Variants in PCDHGA6 observed in about 807,000 individuals in gnomAD.
PCDHGA6 encodes the protein protocadherin gamma-A6.
A neutral mutation model predicts 60.6 loss-of-function variants in PCDHGA6; 41 were observed. The observed-to-expected ratio is 0.68, with a 90% CI of 0.53 to 0.88. The LOEUF is 0.88. Ranked by LOEUF, PCDHGA6 falls within the 40% of genes least tolerant of loss-of-function variation. PCDHGA6 has a pLI of 0.00. For synonymous variants in PCDHGA6, 594 were observed against 524.4 expected (o/e 1.13, Z -1.81); for missense variants, 1,312 against 1,203.0 (o/e 1.09, Z -1.34).
Position 141,494,808 on chromosome 5 carries a change from A to G in PCDHGA6, c.2426A>G (p.Gln809Arg). The G allele has an allele frequency of 1.9e-6, 3 of 1,614,014 alleles. No individual in the cohort carries two copies. Among genetic ancestry groups the G allele is most frequent in the Non-Finnish European group, 2.5e-6 (3 of 1,179,982 alleles). The change falls in exon 2 of 4, where the codon CAA becomes CGA. Residue 809 changes from glutamine to arginine, a missense_variant and splice_region_variant. Gln to Arg is a conservative substitution (Grantham distance 43, BLOSUM62 1). Coordinates refer to ENST00000517434, the MANE Select transcript of PCDHGA6 (RefSeq NM_018919.3). ...CCTTTCCCTCTGTTTTCTCCACAGC[A>G]AGCCCCGCCCAACACGGACTGGCGT... ...ETKGEPRQLQ[Q>R]APPNTDWRFS...
intron 3 of PCDHGA6, chr5:141,506,988 A>G (rs1364718512): frequency 1.3e-5 from 2 of 152,192 alleles, no homozygotes; most frequent in Non-Finnish European, 2.9e-5. Context: ...CTGATTTCTC[A>G]CACTCGACAG....
At chr5:141,405,024 T>C in intron 1 of PCDHGA6, 1 of 1,613,920 alleles carries the variant, frequency 6.2e-7, no homozygotes, top group Non-Finnish European at 8.5e-7. Flanking sequence ...GACCTTACCC[T>C]CTACCTCGTT....
chr5:141,403,217 A>G (rs763517467), intron 1 of PCDHGA6: 10 of 1,613,810 alleles, frequency 6.2e-6, no homozygotes, highest in East Asian at 2.2e-5. Context: ...CACCGCGGGT[A>G]GGATAGACCG....
intron 1 of PCDHGA6, among the ~76,000 whole-genome samples, chr5:141,454,773 G>A (rs1272535268): frequency 6.9e-6 from 1 of 144,540 alleles, no homozygotes; most frequent in East Asian, 2.0e-4. Flanking sequence ...TTTTTTACAA[G>A]GAAATAATCC....
At position 141,511,520 on chromosome 5, in the gene PCDHGA6, A is replaced by C; in HGVS notation, c.*347A>C. On this transcript the variant is annotated 3_prime_UTR_variant, in exon 4 of 4. Coordinates refer to ENST00000517434, the MANE Select transcript of PCDHGA6 (RefSeq NM_018919.3). Reference sequence around the variant, plus strand: ...CAAATCAATCAGGCCCATCCATCCCATGCCTCCCTCCTCCCCACCCCACTC... The same window carrying C: ...CAAATCAATCAGGCCCATCCATCCCCTGCCTCCCTCCTCCCCACCCCACTC... The C allele has an allele frequency of 2.8e-6, 1 of 358,498 alleles. No homozygotes were observed. Among genetic ancestry groups the C allele is most frequent in the Non-Finnish European group, 5.3e-6 (1 of 189,848 alleles). 22.2% of individuals were successfully genotyped at this position (358,498 alleles called of 1,614,324 possible).
chr5:141,470,577 C>T (rs75062402), intron 1 of PCDHGA6, among the ~76,000 whole-genome samples: 8,307 of 152,270 alleles, frequency 0.055, 479 homozygotes, highest in African/African-American at 0.15. Flanking sequence ...GCAGGATCAA[C>T]TTCATAGGCA....
intron 1 of PCDHGA6, among the ~76,000 whole-genome samples, chr5:141,381,588 C>A (rs950260472): frequency 6.6e-6 from 1 of 152,192 alleles, no homozygotes; most frequent in African/African-American, 2.4e-5. Context: ...AATCCATTAT[C>A]CAGTTTCTTA....
chr5:141,409,879 A>C, intron 1 of PCDHGA6: 1 of 1,612,852 alleles, frequency 6.2e-7, no homozygotes. Context: ...ATGACAACGC[A>C]CCGCGGGTGC....
At chr5:141,500,782 T>G (rs2099802612) in intron 2 of PCDHGA6, among the ~76,000 whole-genome samples, 2 of 152,222 alleles carry the variant, frequency 1.3e-5, no homozygotes, top group Admixed American at 1.3e-4. Context: ...ATATACATAT[T>G]ATTTTACAGA....
rs375436846 is a variant in PCDHGA6, at chr5:141,399,581, A to T, written c.2424+23074A>T. ...TTGGGGTTGAACGGCCAAGTCTCCT[A>T]CTCTATCATGGCCAGCGACCTAGAG... is the stretch of plus-strand genomic sequence containing the variant. On this transcript the variant is annotated intron_variant, in intron 1 of 3. Coordinates refer to ENST00000517434, the MANE Select transcript of PCDHGA6 (RefSeq NM_018919.3). 9.9e-6 allele frequency: 16 copies of T among 1,613,788 alleles called. No homozygotes were observed. The African/African-American group carries it at 1.9e-4, about 19-fold the overall frequency.
chr5:141,436,594 G>A (rs79477223), intron 1 of PCDHGA6, among the ~76,000 whole-genome samples: 2 of 152,106 alleles, frequency 1.3e-5, no homozygotes, highest in African/African-American at 2.4e-5. Flanking sequence ...AAAGGTCGTG[G>A]TGATGGCTAG....
At position 141,486,706 on chromosome 5, in the gene PCDHGA6, C is replaced by G; in HGVS notation, c.2425-8101C>G. 6.2e-7 allele frequency: 1 copy of G among 1,614,154 alleles called. No homozygotes were observed. Among genetic ancestry groups the G allele is most frequent in the Non-Finnish European group, 8.5e-7 (1 of 1,180,024 alleles). ...CAGCTTCCTCTTTCATCTCTCTGAA[C>G]CCCCAGACAGGAGCTGTTCATGCTA... On this transcript the variant is annotated intron_variant, in intron 1 of 3. Coordinates refer to ENST00000517434, the MANE Select transcript of PCDHGA6 (RefSeq NM_018919.3). This position sits in a 1 kb window ranked among gnomAD's most constrained non-coding sequence, Gnocchi z 5.0.
intron 1 of PCDHGA6, chr5:141,427,900 C>T (rs1351712272): frequency 2.5e-6 from 4 of 1,571,732 alleles, no homozygotes; most frequent in Non-Finnish European, 3.5e-6. Flanking sequence ...GGCTCGCCCG[C>T]GCTCAGCGCC....
intron 1 of PCDHGA6, chr5:141,422,772 C>A: frequency 6.2e-7 from 1 of 1,613,922 alleles, no homozygotes. Flanking sequence ...CTGGTGTTCT[C>A]TATGCCCTAC....
chr5:141,384,576 G>GCCCGAGAT (rs1429173266), intron 1 of PCDHGA6: 3 of 1,614,060 alleles, frequency 1.9e-6, no homozygotes, highest in Non-Finnish European at 2.5e-6. Context: ...ATGACAACCC[G>GCCCGAGAT]CCCGAGATCC....
At chr5:141,380,721 T>C (rs1228432392) in intron 1 of PCDHGA6, among the ~76,000 whole-genome samples, 3 of 152,238 alleles carry the variant, frequency 2.0e-5, no homozygotes, top group Non-Finnish European at 4.4e-5. Flanking sequence ...TAACTAGCTC[T>C]TATTTCCTTT....
chr5:141,382,110 G>A (rs1480214134), intron 1 of PCDHGA6, among the ~76,000 whole-genome samples: 1 of 151,982 alleles, frequency 6.6e-6, no homozygotes, highest in Non-Finnish European at 1.5e-5. Context: ...TTACAGGCGT[G>A]AGCAACAGCA....
At chr5:141,418,392 T>C (rs753094664) in intron 1 of PCDHGA6, 1 of 1,613,996 alleles carries the variant, frequency 6.2e-7, no homozygotes, top group Non-Finnish European at 8.5e-7. Context: ...AACGAGTATT[T>C]CTCATTGGTG....
intron 1 of PCDHGA6, chr5:141,389,471 A>C: frequency 6.2e-7 from 1 of 1,613,210 alleles, no homozygotes; most frequent in Non-Finnish European, 8.5e-7. Context: ...TCGAACTCAC[A>C]CTGCAGGCCC....
Sources: allele counts gnomAD v4.1 joint callset (sites outside exome capture counted in the v4.1 genomes callset), GRCh38; gene constraint gnomAD v4.1.1; non-coding constraint Gnocchi (gnomAD v3.1); transcripts MANE v1.5; gene names NCBI Gene and HGNC (gene_info 2026-07-23, HGNC 2026-07-21).